Variants in PRDX4 observed in about 807,000 individuals in gnomAD.
The protein encoded by PRDX4 is peroxiredoxin-4.
A neutral mutation model predicts 20.5 loss-of-function variants in PRDX4; 12 were observed. The observed-to-expected ratio is 0.58, with a 90% CI of 0.37 to 0.95. The LOEUF (loss-of-function observed/expected upper bound fraction) is 0.95. Ranked by LOEUF, PRDX4 falls within the 40% of genes least tolerant of loss-of-function variation. PRDX4 has a pLI of 0.01. For missense variants in PRDX4, 180 were observed against 207.3 expected (o/e 0.87, Z 0.81); for synonymous variants, 99 against 87.5 (o/e 1.13, Z -0.73).
intron 3 of PRDX4, among the ~76,000 whole-genome samples, chrX:23,678,038 G>A (rs1180748852): frequency 9.0e-6 from 1 of 111,577 alleles, no homozygotes; most frequent in African/African-American, 3.3e-5. Context: ...AGGCCAAGGT[G>A]GGCGGATCAC....
chrX:23,680,826 G>A (rs955922380), intron 4 of PRDX4, among the ~76,000 whole-genome samples: 2 of 111,109 alleles, frequency 1.8e-5, no homozygotes, highest in East Asian at 5.6e-4. Flanking sequence ...TAAGAGGATC[G>A]CTAGAGCCTG....
intron 4 of PRDX4, among the ~76,000 whole-genome samples, chrX:23,679,783 C>A (rs770569340): frequency 9.0e-6 from 1 of 110,545 alleles, no homozygotes; most frequent in Admixed American, 9.7e-5. Context: ...TCGAGACTAT[C>A]CTGGCCAACC....
intron 1 of PRDX4, among the ~76,000 whole-genome samples, chrX:23,668,736 G>A (rs976612286): frequency 8.9e-6 from 1 of 112,097 alleles, no homozygotes; most frequent in African/African-American, 3.2e-5. Context: ...CATGTTCCAT[G>A]CCAGTATTCA....
Position 23,677,665 on chromosome X carries a change from G to C in PRDX4, c.477-1500G>C, listed in dbSNP as rs1193416676. On this transcript the variant is annotated intron_variant, in intron 3 of 6. Transcript: ENST00000379341. Reference sequence around the variant, plus strand: ...ATTTGTATCCTGCCTGTCTGTTCAAGGCTTTATCTTATGATCACACTACTA... The same window carrying C: ...ATTTGTATCCTGCCTGTCTGTTCAACGCTTTATCTTATGATCACACTACTA... Among the ~76,000 whole-genome samples, 17 of 111,586 alleles carry C rather than the reference G, an allele frequency of 1.5e-4. No individual in the cohort carries two copies. The Admixed American group carries it at 1.6e-3, about 11-fold the overall frequency.
intron 1 of PRDX4, among the ~76,000 whole-genome samples, chrX:23,669,842 G>A (rs942902989): frequency 2.7e-5 from 3 of 109,623 alleles, no homozygotes; most frequent in Non-Finnish European, 5.7e-5. Flanking sequence ...CCTTGAACCC[G>A]GGAGGCGGAA....
intron 5 of PRDX4, among the ~76,000 whole-genome samples, chrX:23,683,262 C>T (rs1928122454): frequency 9.0e-6 from 1 of 111,020 alleles, no homozygotes; most frequent in South Asian, 3.8e-4. Context: ...TTTTGACAAA[C>T]AGTGAATCAT....
rs186952131 is a variant in PRDX4 at position 23,685,300 on chromosome X, A to T, written c.766-985A>T. ...GGGTTTTGCTGCACCTCCAGGGGGA[A>T]GTGCCCCCTACCTTGAAGATGTGTC... On this transcript the variant is annotated intron_variant, in intron 6 of 6. Coordinates refer to ENST00000379341, the MANE Select transcript of PRDX4 (RefSeq NM_006406.2). 3.6e-5 allele frequency among the ~76,000 whole-genome samples: 4 copies of T among 112,044 alleles called. No homozygotes were observed. In the East Asian group the frequency reaches 1.1e-3, roughly 31 times the overall value.
intron 2 of PRDX4, among the ~76,000 whole-genome samples, chrX:23,672,991 AT>A (rs1238706271): frequency 3.8e-4 from 43 of 112,342 alleles, no homozygotes; most frequent in African/African-American, 1.3e-3. Flanking sequence ...TTGTGACTTG[AT>A]TTTTTTAAGT....
rs145457260 is a variant in PRDX4, at chrX:23,672,803, C to T, written c.359+1157C>T. ...TCATTGCTATAGGTTGTTTCTAGGC[C>T]AGGGATTAACAAATTTTTTCTGCTG... On this transcript the variant is annotated intron_variant, in intron 2 of 6. Transcript: ENST00000379341. 2.4e-4 allele frequency among the ~76,000 whole-genome samples: 27 copies of T among 111,256 alleles called. No homozygotes were observed. The East Asian group carries it at 6.5e-3, about 27-fold the overall frequency.
intron 3 of PRDX4, among the ~76,000 whole-genome samples, chrX:23,675,668 A>C (rs903716798): frequency 1.8e-5 from 2 of 112,460 alleles, no homozygotes; most frequent in Non-Finnish European, 3.8e-5. Context: ...GATTGAAAAA[A>C]TGTATCCACT....
chrX:23,673,673 T>G (rs969668582), intron 2 of PRDX4, among the ~76,000 whole-genome samples: 23 of 109,800 alleles, frequency 2.1e-4, no homozygotes, highest in Admixed American at 6.8e-4. Flanking sequence ...GGAGAATTGC[T>G]TGAACCCGGG....
chrX:23,686,001 G>C lies in PRDX4; in HGVS notation c.766-284G>C, dbSNP rs185177782. On this transcript the variant is annotated intron_variant, in intron 6 of 6. Coordinates refer to ENST00000379341, the MANE Select transcript of PRDX4 (RefSeq NM_006406.2). ...TCTCTAAATGTGTTTGACTTAATTA[G>C]ATCAAACCTGAAGATACCATGAAAG... The C allele has an allele frequency of 7.4e-6, 3 of 403,625 alleles. No homozygotes were observed. The African/African-American group carries it at 7.5e-5, about 10-fold the overall frequency. The allele number at this position is 403,625 out of a possible 1,213,427, so 33.3% of individuals were successfully genotyped here.
chrX:23,668,981 G>A (rs899045370), intron 1 of PRDX4, among the ~76,000 whole-genome samples: 1 of 109,630 alleles, frequency 9.1e-6, no homozygotes, highest in Admixed American at 9.7e-5. Flanking sequence ...GCTGGAGTGC[G>A]GTCGCGCGAT....
At chrX:23,669,693 G>A (rs899926072) in intron 1 of PRDX4, among the ~76,000 whole-genome samples, 1 of 111,129 alleles carries the variant, frequency 9.0e-6, no homozygotes, top group Non-Finnish European at 1.9e-5. Context: ...GAGGCCATCC[G>A]ATCACCTGAG....
chrX:23,668,282 C>T (rs1338258813), intron 1 of PRDX4, among the ~76,000 whole-genome samples: 2 of 112,239 alleles, frequency 1.8e-5, no homozygotes, highest in African/African-American at 6.5e-5. Flanking sequence ...TTCTTTCTTC[C>T]TTTTTGTTTG....
chrX:23,685,119 T>C (rs902988118), intron 6 of PRDX4, among the ~76,000 whole-genome samples: 1 of 112,334 alleles, frequency 8.9e-6, no homozygotes, highest in African/African-American at 3.2e-5. Context: ...AAGTTAATCA[T>C]GTAAATAGTC....
At chrX:23,683,826 C>G in intron 6 of PRDX4, 121 bp downstream of exon 6, 2 of 481,876 alleles carry the variant, frequency 4.2e-6, no homozygotes, top group African/African-American at 2.5e-5. Context: ...GGGCAGATCA[C>G]GAGGTCAGGA....
At position 23,675,018 on chromosome X, in the gene PRDX4, G is replaced by A. The variant is rs1284929838; in HGVS notation, c.388G>A (p.Ala130Thr). 1.7e-6 allele frequency: 2 copies of A among 1,202,978 alleles called. No homozygotes were observed. Among genetic ancestry groups the A allele is most frequent in the Non-Finnish European group, 2.2e-6 (2 of 892,103 alleles). Residue 130 changes from alanine (A) to threonine (T), a missense_variant, in exon 3 of 7, where the codon GCT becomes ACT. Physicochemically the swap from Ala to Thr is moderately conservative, Grantham distance 58. Around this residue, in one of 3 missense-constraint regions of PRDX4, gnomAD observed 105 missense variants for 114.2 expected, o/e 0.92. Transcript: ENST00000379341. Reference protein sequence around the residue: ...FTFVCPTEIIAFGDRLEEFRS... With the variant: ...FTFVCPTEIITFGDRLEEFRS... ...ATTTGTGTGTCCAACTGAAATTATC[G>A]CTTTTGGCGACAGACTTGAAGAATT... is the stretch of plus-strand genomic sequence containing the variant.
chrX:23,681,712 A>G (rs74572728), intron 4 of PRDX4, among the ~76,000 whole-genome samples: 10,832 of 111,879 alleles, frequency 0.097, 484 homozygotes, highest in East Asian at 0.35. Context: ...CGTTAGCTAT[A>G]TTATTTGACC....
Sources: allele counts gnomAD v4.1 joint callset (sites outside exome capture counted in the v4.1 genomes callset), GRCh38; gene constraint gnomAD v4.1.1; regional missense constraint gnomAD v4.1.1; transcripts MANE v1.5; gene names NCBI Gene and HGNC (gene_info 2026-07-23, HGNC 2026-07-21).